Variants in EPHA3 observed in about 807,000 individuals in gnomAD.
The protein encoded by EPHA3 is EPH receptor A3.
A neutral mutation model predicts 107.1 loss-of-function variants in EPHA3; 42 were observed. The observed-to-expected ratio is 0.39, with a 90% CI of 0.31 to 0.51. The LOEUF (loss-of-function observed/expected upper bound fraction) is 0.51, where lower values mean the gene tolerates loss of function less well. Ranked by LOEUF, EPHA3 falls within the 20% of genes least tolerant of loss-of-function variation. EPHA3 has a pLI of 0.78. For missense variants in EPHA3, 1,183 were observed against 1,211.2 expected, an observed-to-expected ratio of 0.98 and a Z score of 0.35; for synonymous variants, 461 against 424.8, an observed-to-expected ratio of 1.09 and a Z score of -1.05.
intron 3 of EPHA3, among the ~76,000 whole-genome samples, chr3:89,210,915 T>C (rs1344880598): frequency 6.6e-6 from 1 of 152,114 alleles, no homozygotes; most frequent in Non-Finnish European, 1.5e-5. Context: ...ACTGTGGTGG[T>C]TATTTATGCT....
rs181183652 is a variant in EPHA3, at chr3:89,134,108, G to A, written c.153+6835G>A. Among the ~76,000 whole-genome samples the A allele has an allele frequency of 5.9e-3, 885 of 150,726 alleles. 6 individuals are homozygous for A. Among genetic ancestry groups the A allele is most frequent in the Non-Finnish European group, 9.7e-3 (657 of 67,832 alleles). On this transcript the variant is annotated intron_variant, in intron 2 of 16. Coordinates refer to ENST00000336596, the MANE Select transcript of EPHA3 (RefSeq NM_005233.6). ...ACCTTTCCAATTTGCTTCAAATGCC[G>A]AACAACCGCAGAATGGTCAACTTTG...
intron 13 of EPHA3, among the ~76,000 whole-genome samples, chr3:89,441,366 T>G (rs1293285277): frequency 6.6e-6 from 1 of 152,236 alleles, no homozygotes; most frequent in African/African-American, 2.4e-5. Flanking sequence ...ACACTCCATA[T>G]GCTATGATTC....
chr3:89,340,047 C>G (rs1707482761), intron 3 of EPHA3, among the ~76,000 whole-genome samples: 1 of 152,108 alleles, frequency 6.6e-6, no homozygotes, highest in East Asian at 1.9e-4. Flanking sequence ...TTTGAATTTT[C>G]TATCAGACAA....
chr3:89,123,495 A>G (rs1018748571), intron 1 of EPHA3, among the ~76,000 whole-genome samples: 1 of 152,172 alleles, frequency 6.6e-6, no homozygotes, highest in Non-Finnish European at 1.5e-5. Context: ...TATTTACGTC[A>G]GAAACCACCA....
intron 3 of EPHA3, among the ~76,000 whole-genome samples, chr3:89,335,546 A>C (rs1271604883): frequency 3.3e-5 from 5 of 152,226 alleles, no homozygotes. Flanking sequence ...TTATGTGAAC[A>C]AATACAATTC....
At chr3:89,242,366 A>G (rs568390481) in intron 3 of EPHA3, among the ~76,000 whole-genome samples, 1 of 152,210 alleles carries the variant, frequency 6.6e-6, no homozygotes, top group Non-Finnish European at 1.5e-5. Context: ...GTGTGAATAC[A>G]ATGTCCAAGT....
rs58738148 is a variant in EPHA3 at position 89,459,491 on chromosome 3, C to CTCCTTCCTTCCTTCCT, written c.2690+9140_2690+9155dup. Reference sequence around the variant, plus strand: ...TCTCCTTCCTTCTCTCCTTCCTTCTCTCCTTCCTTCCTTCCTTCCTTCCTT... The same window carrying CTCCTTCCTTCCTTCCT: ...TCTCCTTCCTTCTCTCCTTCCTTCTCTCCTTCCTTCCTTCCTTCCTTCCTTCCTTCCTTCCTTCCTT... On this transcript the variant is annotated intron_variant, in intron 15 of 16. Coordinates refer to ENST00000336596, the MANE Select transcript of EPHA3 (RefSeq NM_005233.6). Among the ~76,000 whole-genome samples, 428 of 126,378 alleles carry CTCCTTCCTTCCTTCCT rather than the reference C, an allele frequency of 3.4e-3. 4 individuals are homozygous for CTCCTTCCTTCCTTCCT. The highest frequency in any genetic ancestry group is 0.013 in the African/African-American group (391 of 28,982). The allele number at this position is 126,378 out of a possible 152,430, so 82.9% of individuals were successfully genotyped here. A position where few individuals can be genotyped will look rare whatever the true frequency, so the allele number is the denominator to read the frequency against.
At chr3:89,344,615 G>T in intron 5 of EPHA3, among the ~76,000 whole-genome samples, 1 of 152,166 alleles carries the variant, frequency 6.6e-6, no homozygotes, top group Non-Finnish European at 1.5e-5. Context: ...AAGGTTAATG[G>T]ACTGGTAGCC....
In EPHA3 at chr3:89,229,107, G is replaced by A. The variant is rs939239717; in HGVS notation, c.814+18587G>A. ...GAAATCTTGCTAAGATGCTTTGTTC[G>A]TAGGATGTAAGTGCTAAACAAAAGG... On this transcript the variant is annotated intron_variant, in intron 3 of 16. Coordinates refer to ENST00000336596, the MANE Select transcript of EPHA3 (RefSeq NM_005233.6). Among the ~76,000 whole-genome samples, 8 of 151,978 alleles carry A rather than the reference G, an allele frequency of 5.3e-5. No individual in the cohort carries two copies. In the East Asian group the frequency reaches 5.8e-4, roughly 11 times the overall value.
chr3:89,243,992 C>A (rs6771477), intron 3 of EPHA3, among the ~76,000 whole-genome samples: 77,168 of 151,916 alleles, frequency 0.51, 20,808 homozygotes, highest in African/African-American at 0.69. Context: ...ATTGTCTCCC[C>A]TATTACTTCT....
chr3:89,175,757 T>C (rs1705307952), intron 2 of EPHA3, among the ~76,000 whole-genome samples: 1 of 152,148 alleles, frequency 6.6e-6, no homozygotes, highest in Non-Finnish European at 1.5e-5. Flanking sequence ...ATTTTCCTTT[T>C]GGTTTCTGAA....
chr3:89,120,954 C>T (rs11925725), intron 1 of EPHA3, among the ~76,000 whole-genome samples: 1,781 of 152,256 alleles, frequency 0.012, 39 homozygotes, highest in African/African-American at 0.039. Context: ...AAAATTACTA[C>T]ATCAGCCTGG....
At chr3:89,133,866 A>C (rs6768846) in intron 2 of EPHA3, among the ~76,000 whole-genome samples, 35,385 of 151,870 alleles carry the variant, frequency 0.23, 4,242 homozygotes, top group Middle Eastern at 0.33. Flanking sequence ...TTTTTAATGC[A>C]AGTTTGGCTT....
chr3:89,407,344 C>T lies in EPHA3; in HGVS notation c.1670C>T (p.Thr557Ile), dbSNP rs752497107. 6.2e-7 allele frequency: 1 copy of T among 1,613,534 alleles called. No homozygotes were observed. Among genetic ancestry groups the T allele is most frequent in the Admixed American group, 1.7e-5 (1 of 59,980 alleles). Residue 557 changes from threonine to isoleucine, a missense_variant, in exon 8 of 17, where the codon ACT (threonine) becomes ATT (isoleucine). By Grantham distance (89) the Thr-to-Ile change is moderately conservative. Coordinates refer to ENST00000336596, the MANE Select transcript of EPHA3 (RefSeq NM_005233.6). ...GCGGCAGTAGCAATTATTCTCCTCA[C>T]TGTTGTCATCTATGTTTTGATTGGG... ...ISAAVAIILL[T>I]VVIYVLIGRF...
chr3:89,449,171 T>A (rs2107553023), intron 13 of EPHA3, 54 bp from the exon 14 acceptor site: 1 of 1,469,876 alleles, frequency 6.8e-7, no homozygotes, highest in Non-Finnish European at 9.2e-7. Context: ...ATGTTATGTA[T>A]ATTATATGTT....
intron 5 of EPHA3, among the ~76,000 whole-genome samples, chr3:89,393,140 A>G (rs975683721): frequency 2.0e-5 from 3 of 152,240 alleles, no homozygotes; most frequent in African/African-American, 7.2e-5. Context: ...TTAAAAGAGC[A>G]GAACAAATGA....
intron 5 of EPHA3, among the ~76,000 whole-genome samples, chr3:89,360,260 T>C (rs1353909925): frequency 6.6e-6 from 1 of 150,956 alleles, no homozygotes. Flanking sequence ...AGTTTGCTCC[T>C]ATAAATAGAA....
At chr3:89,426,565 T>G (rs1400843653) in intron 11 of EPHA3, among the ~76,000 whole-genome samples, 1 of 151,780 alleles carries the variant, frequency 6.6e-6, no homozygotes, top group Admixed American at 6.6e-5. Context: ...GGCTTTGACT[T>G]AATTGACTGG....
chr3:89,186,754 T>C (rs1237649981), intron 2 of EPHA3, among the ~76,000 whole-genome samples: 1 of 152,096 alleles, frequency 6.6e-6, no homozygotes, highest in African/African-American at 2.4e-5. Flanking sequence ...TTTAGGTAAA[T>C]GACAATAGAA....
Sources: gnomAD v4.1 joint callset for allele counts (sites outside exome capture counted in the v4.1 genomes callset) on GRCh38, gnomAD v4.1.1 for gene constraint, MANE v1.5 for transcripts, NCBI Gene and HGNC (gene_info 2026-07-23, HGNC 2026-07-21) for gene names.